PLS1: variants seen among roughly 807,000 people sequenced by gnomAD.
The protein encoded by PLS1 is plastin-1.
Under a neutral mutation model 73.7 loss-of-function variants are expected in PLS1, and 32 were observed. That is an observed-to-expected ratio of 0.43 (90% CI 0.33 to 0.58). PLS1 has a LOEUF of 0.58. PLS1 is among the 20% of genes least tolerant of loss of function. The pLI is 0.04. For synonymous variants in PLS1, 217 were observed against 261.3 expected, an observed-to-expected ratio of 0.83 and a Z score of 1.63; for missense variants, 633 against 740.5, an observed-to-expected ratio of 0.85 and a Z score of 1.68.
At chr3:142,653,654 A>G (rs1214856128) in intron 1 of PLS1, among the ~76,000 whole-genome samples, 4 of 152,076 alleles carry the variant, frequency 2.6e-5, no homozygotes, top group Non-Finnish European at 5.9e-5. Flanking sequence ...GTGAGCCACC[A>G]TGCCTGGCCC....
intron 6 of PLS1, among the ~76,000 whole-genome samples, chr3:142,679,219 AG>A (rs2037794953): frequency 6.6e-6 from 1 of 151,706 alleles, no homozygotes; most frequent in African/African-American, 2.4e-5. Flanking sequence ...CCCATTTTGT[AG>A]GTTGCCTTTT....
Position 142,686,317 on chromosome 3 carries a change from A to C in PLS1, c.922A>C (p.Ile308Leu), listed in dbSNP as rs1463843219. The stretch of plus-strand genomic sequence containing the variant: ...AGCCTATTTTCATCTGCTTAATCAG[A>C]TTGCCCCTAAAGGTGGGGAAGATGG... ...SRAYFHLLNQ[I>L]APKGGEDGPA... Residue 308 changes from isoleucine to leucine, a missense_variant, in exon 9 of 16, where the codon ATT becomes CTT. By Grantham distance (5) the Ile-to-Leu change is conservative. Transcript: ENST00000457734. The C allele has an allele frequency of 1.2e-6, 2 of 1,610,758 alleles. No homozygotes were observed. Among genetic ancestry groups the C allele is most frequent in the Admixed American group, 1.7e-5 (1 of 60,018 alleles).
At chr3:142,695,223 G>A (rs1470890087) in intron 11 of PLS1, among the ~76,000 whole-genome samples, 2 of 152,016 alleles carry the variant, frequency 1.3e-5, no homozygotes, top group Non-Finnish European at 2.9e-5. Context: ...TTAGCTAAAT[G>A]TATTAATAAT....
chr3:142,597,552 C>G (rs113207399), intron 1 of PLS1, among the ~76,000 whole-genome samples: 2,686 of 152,276 alleles, frequency 0.018, 29 homozygotes, highest in South Asian at 0.041. Context: ...ATCCTGCCCC[C>G]CTTCATTCCT....
Position 142,694,364 on chromosome 3 carries a change from A to G in PLS1, c.1178-105A>G, listed in dbSNP as rs915785524. On this transcript the variant is annotated intron_variant, in intron 10 of 15. Coordinates refer to ENST00000457734, the MANE Select transcript of PLS1 (RefSeq NM_001145319.2). ...AAGAAACTGTAGTATCTAAAGAACC[A>G]TGGCAAGGTAGGTTTGACCAGTTTG... 8.5e-6 allele frequency: 5 copies of G among 587,174 alleles called. No homozygotes were observed. In the Admixed American group the frequency reaches 1.2e-4, roughly 14 times the overall value. 36.4% of individuals were successfully genotyped at this position (587,174 alleles called of 1,614,324 possible). A position where few individuals can be genotyped will look rare whatever the true frequency, so the allele number is the denominator to read the frequency against.
intron 1 of PLS1, among the ~76,000 whole-genome samples, chr3:142,606,516 A>C (rs1325372543): frequency 1.3e-5 from 2 of 152,148 alleles, no homozygotes; most frequent in Non-Finnish European, 2.9e-5. Flanking sequence ...AATATCATAC[A>C]ATTCTCCAAT....
chr3:142,711,320 A>C (rs1482390323), intron 14 of PLS1, among the ~76,000 whole-genome samples, 181 bp from the exon 15 acceptor site: 1 of 151,670 alleles, frequency 6.6e-6, no homozygotes, highest in Non-Finnish European at 1.5e-5. Flanking sequence ...ATATATAAAG[A>C]TTCAAGGAAA....
rs764466545 is a variant in PLS1 at position 142,689,747 on chromosome 3, T to G, written c.1111T>G (p.Leu371Val). 9 of 1,611,502 alleles carry G rather than the reference T, an allele frequency of 5.6e-6. No individual in the cohort carries two copies. Among genetic ancestry groups the G allele is most frequent in the Non-Finnish European group, 7.6e-6 (9 of 1,178,540 alleles). The change falls in exon 10 of 16, where the codon TTG becomes GTG. Residue 371 changes from leucine (L) to valine (V), a missense_variant. By Grantham distance (32) the Leu-to-Val change is conservative (BLOSUM62 1). Transcript: ENST00000457734. ...ACTTAATTTAGCTTTTGTAGCTAAT[T>G]TGTTTAACACATACCCGTGCCTGCA... ...PKLNLAFVAN[L>V]FNTYPCLHKP...
chr3:142,676,062 C>A, intron 4 of PLS1, 95 bp from the exon 5 acceptor site: 1 of 898,370 alleles, frequency 1.1e-6, no homozygotes, highest in Non-Finnish European at 1.7e-6. Flanking sequence ...CAGAAATTAA[C>A]AAGTATGTTT....
At chr3:142,601,983 C>T (rs1333454804) in intron 1 of PLS1, among the ~76,000 whole-genome samples, 4 of 152,124 alleles carry the variant, frequency 2.6e-5, no homozygotes, top group Non-Finnish European at 5.9e-5. Context: ...AACAAAAATG[C>T]AAAGCTCTTT....
chr3:142,597,682 C>T (rs2035836716), intron 1 of PLS1, among the ~76,000 whole-genome samples: 1 of 152,134 alleles, frequency 6.6e-6, no homozygotes, highest in East Asian at 1.9e-4. Context: ...CTGAGACCAG[C>T]GAGGTTAGAT....
chr3:142,650,792 GGGTA>G (rs2037070417), intron 1 of PLS1, among the ~76,000 whole-genome samples: 6 of 152,196 alleles, frequency 3.9e-5, no homozygotes, highest in African/African-American at 1.2e-4. Flanking sequence ...ATGGGGACTT[GGGTA>G]ATACTCATGT....
intron 10 of PLS1, among the ~76,000 whole-genome samples, chr3:142,693,906 C>T (rs2038138950): frequency 6.6e-6 from 1 of 151,862 alleles, no homozygotes; most frequent in South Asian, 2.1e-4. Flanking sequence ...CTCAGGAAGC[C>T]TGTAAAATAG....
At chr3:142,604,930 C>T (rs1430496110) in intron 1 of PLS1, among the ~76,000 whole-genome samples, 4 of 134,758 alleles carry the variant, frequency 3.0e-5, no homozygotes, top group East Asian at 2.1e-4. Flanking sequence ...AGCAAGACTC[C>T]GTCTCAAAAA....
chr3:142,616,637 C>T (rs543453209), intron 1 of PLS1, among the ~76,000 whole-genome samples: 10 of 152,164 alleles, frequency 6.6e-5, no homozygotes, highest in East Asian at 1.9e-4. Context: ...GAGTCTCACT[C>T]GGCCACCCAG....
At chr3:142,625,771 C>T (rs894605546) in intron 1 of PLS1, among the ~76,000 whole-genome samples, 1 of 152,004 alleles carries the variant, frequency 6.6e-6, no homozygotes, top group Non-Finnish European at 1.5e-5. Flanking sequence ...CCCAGGAGTT[C>T]AAAACCATCC....
intron 1 of PLS1, among the ~76,000 whole-genome samples, chr3:142,654,263 G>A (rs2037168285): frequency 6.6e-6 from 1 of 152,154 alleles, no homozygotes; most frequent in Non-Finnish European, 1.5e-5. Context: ...TGCACAAGAG[G>A]ATCAGAACTT....
chr3:142,630,843 A>G (rs1255008880), intron 1 of PLS1, among the ~76,000 whole-genome samples: 1 of 152,150 alleles, frequency 6.6e-6, no homozygotes, highest in Non-Finnish European at 1.5e-5. Flanking sequence ...CTTTCAAAAT[A>G]TACTACAAAG....
At position 142,631,664 on chromosome 3, in the gene PLS1, G is replaced by GAAAAA. The variant is rs71153981; in HGVS notation, c.-36-32516_-36-32512dup. Among the ~76,000 whole-genome samples the GAAAAA allele has an allele frequency of 6.3e-4, 25 of 39,446 alleles. 1 individual carries two copies. Among genetic ancestry groups the GAAAAA allele is most frequent in the African/African-American group, 1.8e-3 (18 of 9,994 alleles). 25.9% of individuals were successfully genotyped at this position (39,446 alleles called of 152,430 possible). A position where few individuals can be genotyped will look rare whatever the true frequency, so the allele number is the denominator to read the frequency against. On this transcript the variant is annotated intron_variant, in intron 1 of 15. Coordinates refer to ENST00000457734, the MANE Select transcript of PLS1 (RefSeq NM_001145319.2). ...CAACAGAGTTGAGACCCTGTCTCTA[G>GAAAAA]AAAAAAAAAAAAAAAAAAAAAAAAA...
Sources: gnomAD v4.1 joint callset for allele counts (sites outside exome capture counted in the v4.1 genomes callset) on GRCh38, gnomAD v4.1.1 for gene constraint, MANE v1.5 for transcripts, NCBI Gene and HGNC (gene_info 2026-07-23, HGNC 2026-07-21) for gene names.